Variants in FAT3 observed in about 807,000 individuals in gnomAD.
FAT3 encodes FAT atypical cadherin 3.
FAT3 carries 95 observed loss-of-function variants against 310.2 expected under a neutral mutation model. That is an observed-to-expected ratio of 0.31 (90% CI 0.26 to 0.36). The LOEUF (loss-of-function observed/expected upper bound fraction) is 0.36. Among genes scored for constraint, FAT3 ranks in the 10% least tolerant of loss-of-function variants. The probability of loss-of-function intolerance (pLI) is 1.00; values close to 1 mark genes in which losing one functional copy is unlikely to be tolerated. For synonymous variants in FAT3, 2,314 were observed against 2,192.9 expected, an observed-to-expected ratio of 1.06 and a Z score of -1.54; for missense variants, 5,408 against 5,715.6, an observed-to-expected ratio of 0.95 and a Z score of 1.74.
At chr11:92,789,018 A>G (rs967723540) in intron 7 of FAT3, among the ~76,000 whole-genome samples, 3 of 152,210 alleles carry the variant, frequency 2.0e-5, no homozygotes, top group Non-Finnish European at 4.4e-5. Context: ...ATGTGTGTAT[A>G]TGTGATAAAC....
At position 92,798,008 on chromosome 11, in the gene FAT3, C is replaced by G; in HGVS notation, c.4995C>G (p.Asp1665Glu). The G allele has an allele frequency of 6.2e-7, 1 of 1,613,896 alleles. No homozygotes were observed. The highest frequency in any genetic ancestry group is 8.5e-7 in the Non-Finnish European group (1 of 1,179,860). Residue 1665 changes from aspartate to glutamate, a missense_variant, in exon 10 of 28, where the codon GAC becomes GAG. Asp to Glu is a conservative substitution (Grantham distance 45). This residue lies in a region of FAT3 where 4,588 missense variants were observed against 4,809.8 expected (regional missense o/e 0.95). Transcript: ENST00000525166. ...AIVRISVTMS[D>E]NSHPKFIHKD... is the part of the protein sequence containing the mutation. ...TGCGCATTTCCGTCACCATGTCTGA[C>G]AATTCTCACCCCAAGTTCATTCACA...
chr11:92,418,343 GA>G (rs1184660338), intron 2 of FAT3, among the ~76,000 whole-genome samples: 1 of 146,890 alleles, frequency 6.8e-6, no homozygotes. Flanking sequence ...TGGTAGGCTA[GA>G]AAAAAATACT....
chr11:92,855,449 G>A (rs955594828), intron 19 of FAT3, among the ~76,000 whole-genome samples: 6 of 152,118 alleles, frequency 3.9e-5, no homozygotes, highest in Non-Finnish European at 8.8e-5. Context: ...TTTTCATGTT[G>A]TTTCTTGAGG....
In FAT3 at chr11:92,262,957, C is replaced by T. The variant is rs186902002; in HGVS notation, c.-18+37783C>T. 2.3e-3 allele frequency among the ~76,000 whole-genome samples: 347 copies of T among 151,818 alleles called. 1 individual carries two copies. The highest frequency in any genetic ancestry group is 3.7e-3 in the Non-Finnish European group (251 of 67,928). On this transcript the variant is annotated intron_variant, in intron 1 of 27. Coordinates refer to ENST00000525166, the MANE Select transcript of FAT3 (RefSeq NM_001367949.2). ...AAATGTAGGTATTTCTCTTTAGCCC[C>T]GGTTCCCTCATAATAATCTTTCAGT...
intron 1 of FAT3, among the ~76,000 whole-genome samples, chr11:92,276,269 G>T (rs945472971): frequency 3.3e-5 from 5 of 152,070 alleles, no homozygotes; most frequent in Non-Finnish European, 7.4e-5. Flanking sequence ...TAAAATCACA[G>T]AAGTTAGAGC....
At chr11:92,789,418 C>T (rs562383788) in intron 7 of FAT3, among the ~76,000 whole-genome samples, 2 of 152,176 alleles carry the variant, frequency 1.3e-5, no homozygotes, top group African/African-American at 2.4e-5. Context: ...CTATCATTAG[C>T]GCCACGTTCT....
chr11:92,798,735 A>G lies in FAT3; in HGVS notation c.5722A>G (p.Thr1908Ala), dbSNP rs373279633. 6.2e-7 allele frequency: 1 copy of G among 1,613,806 alleles called. No homozygotes were observed. The highest frequency in any genetic ancestry group is 8.5e-7 in the Non-Finnish European group (1 of 1,179,820). Residue 1908 changes from threonine to alanine, a missense_variant, in exon 10 of 28, where the codon ACA (threonine) becomes GCA (alanine). Physicochemically the swap from Thr to Ala is moderately conservative, Grantham distance 58. Coordinates refer to ENST00000525166, the MANE Select transcript of FAT3 (RefSeq NM_001367949.2). ...AGTGGAGGTTCTGAAAGTTAGTGCCACAGATCCTGACTCTGAGGTACCCCC... is the reference window on the plus strand; with the variant it reads ...AGTGGAGGTTCTGAAAGTTAGTGCCGCAGATCCTGACTCTGAGGTACCCCC... The part of the protein sequence containing the change: ...VGVEVLKVSA[T>A]DPDSEVPPEL...
chr11:92,564,072 A>G (rs1337047853), intron 3 of FAT3, among the ~76,000 whole-genome samples: 1 of 152,226 alleles, frequency 6.6e-6, no homozygotes, highest in African/African-American at 2.4e-5. Flanking sequence ...AAATGCTCCA[A>G]TTAAAAGACA....
chr11:92,727,505 T>G (rs1262586636), intron 4 of FAT3, among the ~76,000 whole-genome samples: 1 of 152,228 alleles, frequency 6.6e-6, no homozygotes, highest in Non-Finnish European at 1.5e-5. Context: ...GATAACCTTT[T>G]ATTTTTAATT....
chr11:92,847,405 G>A (rs1316936690), intron 19 of FAT3, among the ~76,000 whole-genome samples: 1 of 152,170 alleles, frequency 6.6e-6, no homozygotes, highest in Non-Finnish European at 1.5e-5. Flanking sequence ...CTAGGTTTGT[G>A]TAAGCGCACT....
At chr11:92,507,713 A>C (rs1451419076) in intron 2 of FAT3, among the ~76,000 whole-genome samples, 2 of 152,040 alleles carry the variant, frequency 1.3e-5, no homozygotes, top group Non-Finnish European at 2.9e-5. Context: ...TATATACAAC[A>C]TATACATGTA....
chr11:92,466,325 T>G (rs1951759657), intron 2 of FAT3, among the ~76,000 whole-genome samples: 1 of 152,138 alleles, frequency 6.6e-6, no homozygotes, highest in South Asian at 2.1e-4. Flanking sequence ...CAATCTCAAA[T>G]AGTTAAACCA....
At chr11:92,810,199 C>A in intron 13 of FAT3, 123 bp downstream of exon 13, 1 of 795,522 alleles carries the variant, frequency 1.3e-6, no homozygotes, top group Non-Finnish European at 2.0e-6. Flanking sequence ...AGAACATGTA[C>A]ATTAAACCCC....
intron 1 of FAT3, among the ~76,000 whole-genome samples, chr11:92,337,168 T>C (rs191095072): frequency 1.3e-5 from 2 of 152,308 alleles, no homozygotes; most frequent in Non-Finnish European, 2.9e-5. Flanking sequence ...TTATTCTGTG[T>C]TAGCTATTTG....
chr11:92,630,451 T>G (rs772859723), intron 3 of FAT3, among the ~76,000 whole-genome samples: 2 of 152,224 alleles, frequency 1.3e-5, no homozygotes, highest in Non-Finnish European at 2.9e-5. Flanking sequence ...TTACCTAAGC[T>G]TCAGATTCAT....
rs935070566 is a variant in FAT3, at chr11:92,883,543, G to T, written c.12937+150G>T. Reference sequence around the variant, plus strand: ...ATGTCGAATGTGCACACCAGCTCTGGAAAATTGTCCTGGTTCTGGTTCCCA... The same window carrying T: ...ATGTCGAATGTGCACACCAGCTCTGTAAAATTGTCCTGGTTCTGGTTCCCA... On this transcript the variant is annotated intron_variant, in intron 24 of 27. Coordinates refer to ENST00000525166, the MANE Select transcript of FAT3 (RefSeq NM_001367949.2). This position sits in a 1 kb window ranked among gnomAD's most constrained non-coding sequence, Gnocchi z 4.2. 3 of 1,125,900 alleles carry T rather than the reference G, an allele frequency of 2.7e-6. No individual in the cohort carries two copies. Among genetic ancestry groups the T allele is most frequent in the Non-Finnish European group, 3.7e-6 (3 of 809,576 alleles). 69.7% of individuals were successfully genotyped at this position (1,125,900 alleles called of 1,614,324 possible). A position where few individuals can be genotyped will look rare whatever the true frequency, so the allele number is the denominator to read the frequency against.
chr11:92,446,934 G>T (rs190422736), intron 2 of FAT3, among the ~76,000 whole-genome samples: 1 of 152,120 alleles, frequency 6.6e-6, no homozygotes, highest in Admixed American at 6.6e-5. Flanking sequence ...ATTTGAACTT[G>T]CAGTTTTATA....
chr11:92,577,924 TAGAG>T (rs1477147007), intron 3 of FAT3, among the ~76,000 whole-genome samples: 9 of 152,026 alleles, frequency 5.9e-5, no homozygotes, highest in Admixed American at 1.3e-4. Flanking sequence ...AAAATAAAGA[TAGAG>T]AGAGACAGAT....
At chr11:92,267,894 G>T (rs1946012976) in intron 1 of FAT3, among the ~76,000 whole-genome samples, 1 of 151,970 alleles carries the variant, frequency 6.6e-6, no homozygotes, top group South Asian at 2.1e-4. Context: ...TATTTATTAG[G>T]CTCTGGGGAG....
Sources: gnomAD v4.1 joint callset for allele counts (sites outside exome capture counted in the v4.1 genomes callset) on GRCh38, gnomAD v4.1.1 for gene constraint, gnomAD v4.1.1 regional missense constraint, Gnocchi (gnomAD v3.1) non-coding constraint, MANE v1.5 for transcripts, NCBI Gene and HGNC (gene_info 2026-07-23, HGNC 2026-07-21) for gene names.